The following SEC14L5 variants were observed in gnomAD, a reference collection of about 807,000 sequenced individuals.
SEC14L5 encodes SEC14 like lipid binding 5.
A neutral mutation model predicts 84.6 loss-of-function variants in SEC14L5; 96 were observed. The observed-to-expected ratio is 1.13, with a 90% confidence interval of 0.96 to 1.34. The LOEUF (loss-of-function observed/expected upper bound fraction) is 1.34, where lower values mean the gene tolerates loss of function less well. Ranked by LOEUF, SEC14L5 falls within the 40% of genes most tolerant of loss-of-function variation. The pLI is 0.00. For missense variants in SEC14L5, 1,224 were observed against 942.5 expected (o/e 1.30, Z -3.91); for synonymous variants, 546 against 383.4 (o/e 1.42, Z -4.95).
chr16:4,980,744 G>A (rs1485261523), intron 2 of SEC14L5, among the ~76,000 whole-genome samples: 1 of 152,130 alleles, frequency 6.6e-6, no homozygotes. Context: ...TGAGGAAGAG[G>A]CAGTCGTGCC....
At chr16:4,966,267 C>CTTTTT (rs1019686741) in intron 2 of SEC14L5, among the ~76,000 whole-genome samples, 14 of 78,778 alleles carry the variant, frequency 1.8e-4, no homozygotes, top group Non-Finnish European at 2.9e-4. Context: ...CGCCCGGCCT[C>CTTTTT]TTTTTTTTTT....
intron 8 of SEC14L5, among the ~76,000 whole-genome samples, chr16:4,998,690 A>G (rs1377275717): frequency 7.0e-6 from 1 of 142,142 alleles, no homozygotes; most frequent in African/African-American, 2.6e-5. Flanking sequence ...GTGAGCCGAG[A>G]TCCCGCCACT....
intron 2 of SEC14L5, among the ~76,000 whole-genome samples, chr16:4,967,562 G>GTTTTTTTTTTTTTTTTTTTTTTTTTTT (rs869061549): frequency 2.7e-5 from 1 of 37,064 alleles, no homozygotes; most frequent in Non-Finnish European, 5.5e-5. Context: ...TCTTTCTTTC[G>GTTTTTTTTTTTTTTTTTTTTTTTTTTT]TTTTTTTTTT....
rs187734157 is a variant in SEC14L5, at chr16:5,005,713, A to T, written c.1303-201A>T. 7.9e-3 allele frequency among the ~76,000 whole-genome samples: 1,196 copies of T among 151,560 alleles called. 8 individuals carry two copies. The highest frequency in any genetic ancestry group is 0.013 in the Non-Finnish European group (888 of 67,874). On this transcript the variant is annotated intron_variant, in intron 11 of 15. Coordinates refer to ENST00000251170, the MANE Select transcript of SEC14L5 (RefSeq NM_014692.2). The stretch of plus-strand genomic sequence containing the variant: ...CGTCTGTACTAAAAATACAAAAAAA[A>T]ATTAGCCGGGCATGGTGGTGGGTGC...
chr16:4,967,489 CA>C (rs1955215389), intron 2 of SEC14L5, among the ~76,000 whole-genome samples: 1 of 150,272 alleles, frequency 6.7e-6, no homozygotes, highest in African/African-American at 2.5e-5. Context: ...GATTTGAACT[CA>C]GGGAATCTGA....
intron 2 of SEC14L5, among the ~76,000 whole-genome samples, chr16:4,983,397 T>C (rs115240025): frequency 0.021 from 3,085 of 150,256 alleles, 76 homozygotes; most frequent in African/African-American, 0.061. Context: ...ATATACATTA[T>C]ATATTTATAG....
At chr16:4,969,290 T>G (rs1438809789) in intron 2 of SEC14L5, among the ~76,000 whole-genome samples, 1 of 152,222 alleles carries the variant, frequency 6.6e-6, no homozygotes, top group African/African-American at 2.4e-5. Flanking sequence ...AAATATTTTT[T>G]GAGTTTTTGC....
rs187732723 is a variant in SEC14L5, at chr16:5,015,666, A to G, written c.*696A>G. The G allele has an allele frequency of 3.3e-5, 5 of 152,572 alleles. No homozygotes were observed. The highest frequency in any genetic ancestry group is 6.5e-5 in the Admixed American group (1 of 15,314). 9.5% of individuals were successfully genotyped at this position (152,572 alleles called of 1,614,324 possible). A position where few individuals can be genotyped will look rare whatever the true frequency, so the allele number is the denominator to read the frequency against. On this transcript the variant is annotated 3_prime_UTR_variant, in exon 16 of 16. Coordinates refer to ENST00000251170, the MANE Select transcript of SEC14L5 (RefSeq NM_014692.2). ...GAGTACTGGGGTCCCCCCTAAGAAG[A>G]AGGAGGAAGGATGCTGGGGAGGCAG... is the stretch of plus-strand genomic sequence containing the variant.
chr16:4,990,790 G>T lies in SEC14L5; in HGVS notation c.369G>T (p.Trp123Cys). Residue 123 changes from tryptophan (W) to cysteine (C), a missense_variant, in exon 5 of 16, where the codon TGG becomes TGT. By Grantham distance (215) the Trp-to-Cys change is radical. Transcript: ENST00000251170. ...SYTVHPENED[W>C]TCFEQSASLD... ...AGGTCCACCCTGAGAATGAAGACTG[G>T]ACTTGCTTCGAGCAGTCTGCCTCAC... is the stretch of plus-strand genomic sequence containing the variant. 3 of 1,610,790 alleles carry T rather than the reference G, an allele frequency of 1.9e-6. No individual in the cohort carries two copies. Among genetic ancestry groups the T allele is most frequent in the Non-Finnish European group, 2.5e-6 (3 of 1,178,424 alleles).
intron 2 of SEC14L5, among the ~76,000 whole-genome samples, chr16:4,973,660 G>T (rs1459799633): frequency 1.3e-5 from 2 of 150,534 alleles, no homozygotes; most frequent in Non-Finnish European, 3.0e-5. Context: ...TGTCTTATGT[G>T]ATTTCTTTTT....
intron 2 of SEC14L5, among the ~76,000 whole-genome samples, chr16:4,972,837 G>T (rs1955297107): frequency 6.6e-6 from 1 of 152,142 alleles, no homozygotes; most frequent in South Asian, 2.1e-4. Context: ...CCATTGGTTT[G>T]CTCTTGTCCA....
At chr16:4,961,692 TA>T (rs993011653) in intron 2 of SEC14L5, among the ~76,000 whole-genome samples, 1 of 152,180 alleles carries the variant, frequency 6.6e-6, no homozygotes, top group African/African-American at 2.4e-5. Context: ...GCAATGATTG[TA>T]AATATTTTCA....
intron 2 of SEC14L5, among the ~76,000 whole-genome samples, chr16:4,967,186 C>T (rs909859744): frequency 6.6e-6 from 1 of 152,178 alleles, no homozygotes; most frequent in African/African-American, 2.4e-5. Context: ...TGGGCAGGCC[C>T]ACACTCCCTC....
At chr16:4,973,407 C>T (rs112534855) in intron 2 of SEC14L5, among the ~76,000 whole-genome samples, 32 of 55,968 alleles carry the variant, frequency 5.7e-4, no homozygotes, top group African/African-American at 1.4e-3. Flanking sequence ...TCAGGGCTTC[C>T]GGAACAGTGT....
At chr16:5,002,465 T>G (rs747951292) in intron 10 of SEC14L5, among the ~76,000 whole-genome samples, 2 of 151,986 alleles carry the variant, frequency 1.3e-5, no homozygotes, top group Non-Finnish European at 2.9e-5. Flanking sequence ...CCTGGCTAAT[T>G]TTTGTATTTT....
intron 2 of SEC14L5, among the ~76,000 whole-genome samples, chr16:4,962,470 C>G (rs1955135620): frequency 6.6e-6 from 1 of 152,054 alleles, no homozygotes; most frequent in African/African-American, 2.4e-5. Context: ...GGCGGACCAC[C>G]TCAGGTCAGG....
At chr16:4,960,284 C>G (rs1487063239) in intron 2 of SEC14L5, among the ~76,000 whole-genome samples, 1 of 152,126 alleles carries the variant, frequency 6.6e-6, no homozygotes, top group East Asian at 1.9e-4. Flanking sequence ...TGCTGTGTGC[C>G]GGGCACACAG....
Position 5,003,417 on chromosome 16 carries a change from G to A in SEC14L5, c.1146G>A (p.Leu382=). The part of the protein sequence containing the change: ...LGRPISSWTC[L]LDLEGLNMRH... ...TCTGCCACAGCTCCTGGACCTGCCTGCTAGACCTGGAGGGACTCAACATGC... is the reference window on the plus strand; with the variant it reads ...TCTGCCACAGCTCCTGGACCTGCCTACTAGACCTGGAGGGACTCAACATGC... The change falls in exon 11 of 16, where the codon CTG becomes CTA. Residue 382 remains leucine, a synonymous_variant. Transcript: ENST00000251170. 1 of 1,613,118 alleles carries A rather than the reference G, an allele frequency of 6.2e-7. No individual in the cohort carries two copies. Among genetic ancestry groups the A allele is most frequent in the Non-Finnish European group, 8.5e-7 (1 of 1,179,752 alleles).
intron 8 of SEC14L5, among the ~76,000 whole-genome samples, chr16:4,999,042 C>T (rs1028827937): frequency 6.6e-6 from 1 of 152,176 alleles, no homozygotes; most frequent in Non-Finnish European, 1.5e-5. Context: ...TGTTTCAGTT[C>T]TCATACCCTA....
Sources: gnomAD v4.1 joint callset for allele counts (sites outside exome capture counted in the v4.1 genomes callset) on GRCh38, gnomAD v4.1.1 for gene constraint, MANE v1.5 for transcripts, NCBI Gene and HGNC (gene_info 2026-07-23, HGNC 2026-07-21) for gene names.